RPS6KC1: variants seen among roughly 807,000 people sequenced by gnomAD.
RPS6KC1 encodes the protein ribosomal protein S6 kinase C1, also known as inactive ribosomal protein S6 kinase delta-1.
RPS6KC1 carries 54 observed loss-of-function variants against 103.8 expected under a neutral mutation model. The ratio of observed to expected loss-of-function variants is 0.52; its 90% CI spans 0.42 to 0.65. RPS6KC1 has a LOEUF of 0.65. RPS6KC1 is among the 30% of genes least tolerant of loss of function. RPS6KC1 has a pLI of 0.00. For missense variants in RPS6KC1, 1,151 were observed against 1,253.8 expected, an observed-to-expected ratio of 0.92 and a Z score of 1.24; for synonymous variants, 439 against 438.7, an observed-to-expected ratio of 1.00 and a Z score of -0.01.
At chr1:213,505,425 G>C in the RPS6KC1 span, among the ~76,000 whole-genome samples, 1 of 152,188 alleles carries the variant, frequency 6.6e-6, no homozygotes, top group Admixed American at 6.5e-5. Context: ...TCGAATCCCA[G>C]CCCTACCACG....
At chr1:213,838,861 T>C in the RPS6KC1 span, among the ~76,000 whole-genome samples, 5 of 152,208 alleles carry the variant, frequency 3.3e-5, no homozygotes, top group African/African-American at 1.2e-4. Context: ...AATTAATTCT[T>C]CTGTCAAAAT....
At chr1:213,767,568 G>A in the RPS6KC1 span, among the ~76,000 whole-genome samples, 123 of 151,844 alleles carry the variant, frequency 8.1e-4, no homozygotes, top group African/African-American at 2.7e-3. Context: ...ATCTCTCTCT[G>A]TCAGTCGCTG....
chr1:213,434,304 T>C, the RPS6KC1 span, among the ~76,000 whole-genome samples: 2 of 152,160 alleles, frequency 1.3e-5, no homozygotes, highest in African/African-American at 4.8e-5. Context: ...TCACCTTGAG[T>C]TTTGAAAGAT....
At chr1:213,224,827 G>T (rs1024484558) in intron 8 of RPS6KC1, among the ~76,000 whole-genome samples, 1 of 152,204 alleles carries the variant, frequency 6.6e-6, no homozygotes, top group Non-Finnish European at 1.5e-5. Flanking sequence ...GGCTCCTTAT[G>T]ATCTTTGTGC....
the RPS6KC1 span, among the ~76,000 whole-genome samples, chr1:213,737,283 C>A: frequency 6.6e-6 from 1 of 152,158 alleles, no homozygotes; most frequent in African/African-American, 2.4e-5. Context: ...GGTGCTGAGG[C>A]AGTGAAGAAA....
the RPS6KC1 span, among the ~76,000 whole-genome samples, chr1:213,813,908 G>A: frequency 4.6e-5 from 7 of 152,158 alleles, no homozygotes; most frequent in African/African-American, 1.7e-4. Flanking sequence ...TGAATTTGAA[G>A]TTTTACATAG....
the RPS6KC1 span, among the ~76,000 whole-genome samples, chr1:213,397,040 A>G: frequency 6.6e-6 from 1 of 152,162 alleles, no homozygotes. Context: ...AAGAAAATCC[A>G]TGTGTAAAAT....
At chr1:213,384,653 C>G in the RPS6KC1 span, among the ~76,000 whole-genome samples, 3 of 152,184 alleles carry the variant, frequency 2.0e-5, no homozygotes, top group Admixed American at 6.5e-5. Flanking sequence ...GATGCCCCTG[C>G]CTGGCTCTCC....
intron 7 of RPS6KC1, among the ~76,000 whole-genome samples, chr1:213,174,772 GT>G (rs1202190081): frequency 5.3e-5 from 8 of 151,378 alleles, no homozygotes; most frequent in Non-Finnish European, 1.2e-4. Flanking sequence ...CCCTAAAAAG[GT>G]TCCCCTTAGT....
the RPS6KC1 span, among the ~76,000 whole-genome samples, chr1:213,667,454 G>T: frequency 5.6e-3 from 848 of 152,248 alleles, 5 homozygotes; most frequent in African/African-American, 0.02. Flanking sequence ...TTTAAAAAAT[G>T]TACATACCTT....
chr1:213,287,034 A>G, the RPS6KC1 span, among the ~76,000 whole-genome samples: 1,981 of 152,350 alleles, frequency 0.013, 47 homozygotes, highest in African/African-American at 0.045. Context: ...ATTAAGAAAT[A>G]ATTGAAAGAT....
intron 6 of RPS6KC1, among the ~76,000 whole-genome samples, chr1:213,140,847 A>ATTT (rs35374161): frequency 0.019 from 2,522 of 132,494 alleles, 86 homozygotes; most frequent in African/African-American, 0.066. Flanking sequence ...GAATCCCTTG[A>ATTT]TTTTTTTTTT....
the RPS6KC1 span, among the ~76,000 whole-genome samples, chr1:213,756,873 A>T: frequency 6.6e-6 from 1 of 152,004 alleles, no homozygotes; most frequent in African/African-American, 2.4e-5. Context: ...GCCCCCCCAA[A>T]GTACTGGTAT....
At chr1:213,244,399 C>T (rs1009784986) in intron 12 of RPS6KC1, among the ~76,000 whole-genome samples, 1 of 152,066 alleles carries the variant, frequency 6.6e-6, no homozygotes, top group African/African-American at 2.4e-5. Context: ...AACAAAACCA[C>T]ACATTTATGG....
At chr1:213,836,336 G>A in the RPS6KC1 span, among the ~76,000 whole-genome samples, 1 of 151,942 alleles carries the variant, frequency 6.6e-6, no homozygotes, top group Non-Finnish European at 1.5e-5. Flanking sequence ...GTTTTTGAAT[G>A]AGGAACCTGG....
chr1:213,139,756 A>T (rs975345020), intron 6 of RPS6KC1, among the ~76,000 whole-genome samples: 24 of 151,958 alleles, frequency 1.6e-4, no homozygotes, highest in African/African-American at 5.8e-4. Flanking sequence ...GCCTTGTAGT[A>T]TATTTGAAGT....
the RPS6KC1 span, among the ~76,000 whole-genome samples, chr1:213,490,323 A>G: frequency 6.6e-6 from 1 of 152,186 alleles, no homozygotes; most frequent in Non-Finnish European, 1.5e-5. Context: ...CATAAAATGA[A>G]TCCCACTCAG....
chr1:213,099,383 A>G (rs1171767186), intron 3 of RPS6KC1, among the ~76,000 whole-genome samples: 2 of 152,156 alleles, frequency 1.3e-5, no homozygotes, highest in African/African-American at 4.8e-5. Context: ...TATTTTCCTT[A>G]TCATATATCT....
chr1:213,519,977 G>A, the RPS6KC1 span, among the ~76,000 whole-genome samples: 1 of 152,148 alleles, frequency 6.6e-6, no homozygotes. Context: ...AGTTTTGAGA[G>A]ATCACACAGC....
Sources: gnomAD v4.1 joint callset for allele counts (sites outside exome capture counted in the v4.1 genomes callset) on GRCh38, gnomAD v4.1.1 for gene constraint, MANE v1.5 for transcripts, NCBI Gene and HGNC (gene_info 2026-07-23, HGNC 2026-07-21) for gene names.